The following ECT2 variants were observed in gnomAD, a reference collection of about 807,000 sequenced individuals.
The protein encoded by ECT2 is protein ECT2.
ECT2 carries 61 observed loss-of-function variants against 116.9 expected under a neutral mutation model. That is an observed-to-expected ratio of 0.52 (90% confidence interval 0.42 to 0.65). The LOEUF is 0.65. ECT2 is among the 30% of genes least tolerant of loss of function. ECT2 has a pLI of 0.00. For synonymous variants in ECT2, 358 were observed against 346.4 expected, an observed-to-expected ratio of 1.03 and a Z score of -0.37; for missense variants, 937 against 1,078.7, an observed-to-expected ratio of 0.87 and a Z score of 1.84.
At chr3:172,817,013 G>A (rs527376000) in intron 24 of ECT2, among the ~76,000 whole-genome samples, 176 bp downstream of exon 24, 2 of 152,182 alleles carry the variant, frequency 1.3e-5, no homozygotes, top group East Asian at 1.9e-4. Context: ...AATTATCAGT[G>A]AGATATTTTC....
At chr3:172,803,086 A>G in intron 20 of ECT2, 106 bp downstream of exon 20, 1 of 1,040,956 alleles carries the variant, frequency 9.6e-7, no homozygotes, top group Non-Finnish European at 1.3e-6. Context: ...TTTTAAATAA[A>G]CTCAAGTAAT....
At chr3:172,800,649 C>G (rs1726544126) in intron 18 of ECT2, among the ~76,000 whole-genome samples, 1 of 152,142 alleles carries the variant, frequency 6.6e-6, no homozygotes, top group African/African-American at 2.4e-5. Context: ...AGTGTTTACT[C>G]TGATGTTATT....
chr3:172,755,272 T>C, intron 2 of ECT2, 23 bp from the exon 3 acceptor site: 3 of 1,566,340 alleles, frequency 1.9e-6, no homozygotes, highest in South Asian at 1.2e-5. Context: ...TGATAAACAT[T>C]GAAACATTTT....
At chr3:172,791,572 T>G (rs935788444) in intron 18 of ECT2, among the ~76,000 whole-genome samples, 7 of 152,252 alleles carry the variant, frequency 4.6e-5, no homozygotes, top group African/African-American at 1.7e-4. Context: ...CTTCTTAAAC[T>G]TCCATGAACC....
intron 22 of ECT2, among the ~76,000 whole-genome samples, chr3:172,808,585 C>A (rs78994753): frequency 0.032 from 4,817 of 152,114 alleles, 162 homozygotes; most frequent in East Asian, 0.16. Flanking sequence ...AAATCCAGGT[C>A]CCTAAAAGAT....
chr3:172,754,433 G>A, intron 1 of ECT2, 76 bp from the exon 2 acceptor site: 3 of 1,055,880 alleles, frequency 2.8e-6, no homozygotes, highest in Non-Finnish European at 1.3e-6. Context: ...TAAATTCTAG[G>A]TAAAAAGAGC....
intron 18 of ECT2, among the ~76,000 whole-genome samples, chr3:172,787,226 AGT>A (rs1723762247): frequency 6.6e-6 from 1 of 152,162 alleles, no homozygotes; most frequent in Admixed American, 6.6e-5. Context: ...TGTATATATC[AGT>A]ATATTTAATA....
At chr3:172,759,506 A>G (rs1223689065) in intron 6 of ECT2, among the ~76,000 whole-genome samples, 1 of 152,086 alleles carries the variant, frequency 6.6e-6, no homozygotes, top group Non-Finnish European at 1.5e-5. Context: ...CAGTGGCGCA[A>G]TCTCGGCTCA....
chr3:172,792,451 C>CTTTTTTT lies in ECT2; in HGVS notation c.1907+5885_1907+5891dup, dbSNP rs34510739. ...TATGTACGTGGAGTCTTTTATCTGG[C>CTTTTTTT]TTTTTTTTTTTTTTATACTCAGCAT... On this transcript the variant is annotated intron_variant, in intron 18 of 24. Transcript: ENST00000392692. 2.1e-5 allele frequency among the ~76,000 whole-genome samples: 3 copies of CTTTTTTT among 143,338 alleles called. 1 individual carries two copies. Among genetic ancestry groups the CTTTTTTT allele is most frequent in the Non-Finnish European group, 4.5e-5 (3 of 66,016 alleles). The allele number at this position is 143,338 out of a possible 152,430, so 94.0% of individuals were successfully genotyped here. A position where few individuals can be genotyped will look rare whatever the true frequency, so the allele number is the denominator to read the frequency against.
At chr3:172,806,196 A>G (rs998857992) in intron 21 of ECT2, 3 of 173,912 alleles carry the variant, frequency 1.7e-5, no homozygotes, top group African/African-American at 7.1e-5. Flanking sequence ...TGGTTCCTTC[A>G]GAATACAAAA....
intron 22 of ECT2, among the ~76,000 whole-genome samples, chr3:172,813,120 T>G (rs1325811120): frequency 6.6e-6 from 1 of 152,094 alleles, no homozygotes; most frequent in Non-Finnish European, 1.5e-5. Flanking sequence ...ACTATTAGAA[T>G]TAGTAACAGA....
At chr3:172,816,394 G>A (rs1729721788) in intron 23 of ECT2, among the ~76,000 whole-genome samples, 1 of 152,042 alleles carries the variant, frequency 6.6e-6, no homozygotes, top group South Asian at 2.1e-4. Flanking sequence ...AGGTTGAGGG[G>A]ATTTTTGGAT....
At chr3:172,777,148 A>G (rs1189049110) in intron 14 of ECT2, among the ~76,000 whole-genome samples, 1 of 152,180 alleles carries the variant, frequency 6.6e-6, no homozygotes, top group African/African-American at 2.4e-5. Flanking sequence ...CTTAGATTAC[A>G]CCACTGTGCT....
intron 24 of ECT2, chr3:172,818,920 C>A: frequency 3.2e-6 from 3 of 940,638 alleles, no homozygotes; most frequent in Non-Finnish European, 4.1e-6. Flanking sequence ...TTGGAATTCA[C>A]AATGTTATGA....
intron 8 of ECT2, among the ~76,000 whole-genome samples, chr3:172,762,046 A>C (rs1352934696): frequency 2.0e-5 from 3 of 152,094 alleles, no homozygotes; most frequent in Admixed American, 2.0e-4. Context: ...TGTTTTGCTT[A>C]GTTTTCCAAG....
At chr3:172,773,352 T>A (rs1721002953) in intron 13 of ECT2, among the ~76,000 whole-genome samples, 1 of 152,124 alleles carries the variant, frequency 6.6e-6, no homozygotes, top group Non-Finnish European at 1.5e-5. Context: ...TGTGCATGCA[T>A]ATGCATGCAC....
At chr3:172,800,437 CAT>C (rs996564617) in intron 18 of ECT2, among the ~76,000 whole-genome samples, 2 of 152,146 alleles carry the variant, frequency 1.3e-5, no homozygotes, top group African/African-American at 4.8e-5. Context: ...TACATAATAA[CAT>C]TTTTTTCTAA....
intron 18 of ECT2, among the ~76,000 whole-genome samples, chr3:172,802,344 C>G (rs1477577484): frequency 6.6e-6 from 1 of 152,166 alleles, no homozygotes; most frequent in Non-Finnish European, 1.5e-5. Context: ...GAACTCCTGA[C>G]TTCAGTGATC....
intron 12 of ECT2, among the ~76,000 whole-genome samples, chr3:172,768,377 ATCTC>A (rs974257590): frequency 5.3e-4 from 81 of 152,226 alleles, no homozygotes; most frequent in African/African-American, 1.3e-3. Context: ...TTCAGTCAAA[ATCTC>A]TCTTTTTCTA....
Sources: allele counts gnomAD v4.1 joint callset (sites outside exome capture counted in the v4.1 genomes callset), GRCh38; gene constraint gnomAD v4.1.1; transcripts MANE v1.5; gene names NCBI Gene and HGNC (gene_info 2026-07-23, HGNC 2026-07-21).